The following TATDN2 variants were observed in gnomAD, a reference collection of about 807,000 sequenced individuals.
The protein encoded by TATDN2 is 3'-5' RNA nuclease TATDN2.
A neutral mutation model predicts 60.3 loss-of-function variants in TATDN2; 44 were observed. The ratio of observed to expected loss-of-function variants is 0.73; its 90% confidence interval spans 0.57 to 0.94. The LOEUF is 0.94. Among genes scored for constraint, TATDN2 ranks in the 40% least tolerant of loss-of-function variants. The pLI, the probability that TATDN2 is intolerant of heterozygous loss-of-function variation, is 0.00. For missense variants in TATDN2, 997 were observed against 948.0 expected (o/e 1.05, Z -0.68); for synonymous variants, 399 against 355.8 (o/e 1.12, Z -1.37).
intron 4 of TATDN2, among the ~76,000 whole-genome samples, chr3:10,275,190 T>A (rs1698617453): frequency 6.6e-6 from 1 of 152,040 alleles, no homozygotes; most frequent in Non-Finnish European, 1.5e-5. Flanking sequence ...TTCACCATGT[T>A]GGCCAGGCTT....
intron 3 of TATDN2, among the ~76,000 whole-genome samples, chr3:10,262,125 T>C (rs1255755322): frequency 6.6e-6 from 1 of 152,238 alleles, no homozygotes; most frequent in Non-Finnish European, 1.5e-5. Context: ...TCCTTCTCAA[T>C]ACTGTCAAAA....
At chr3:10,250,011 G>A (rs1382847461) in intron 2 of TATDN2, among the ~76,000 whole-genome samples, 1 of 152,186 alleles carries the variant, frequency 6.6e-6, no homozygotes, top group Non-Finnish European at 1.5e-5. Context: ...ATGTGCTCAA[G>A]AGAAGAATGT....
At chr3:10,273,121 G>C (rs945467152) in intron 4 of TATDN2, among the ~76,000 whole-genome samples, 3 of 152,216 alleles carry the variant, frequency 2.0e-5, no homozygotes, top group Admixed American at 1.3e-4. Context: ...GGCATAGGGG[G>C]ATAAACACAG....
chr3:10,261,311 C>T (rs1698398908), intron 3 of TATDN2, among the ~76,000 whole-genome samples: 1 of 151,728 alleles, frequency 6.6e-6, no homozygotes, highest in South Asian at 2.1e-4. Context: ...TGGACGGAAA[C>T]TAGTGATTTT....
chr3:10,259,809 A>G (rs1698372508), intron 2 of TATDN2, among the ~76,000 whole-genome samples: 1 of 152,140 alleles, frequency 6.6e-6, no homozygotes, highest in South Asian at 2.1e-4. Context: ...TCCAGTGGGA[A>G]GAGCTTGAGC....
At chr3:10,258,309 A>C (rs190607000) in intron 2 of TATDN2, among the ~76,000 whole-genome samples, 80 of 151,838 alleles carry the variant, frequency 5.3e-4, no homozygotes, top group Admixed American at 2.0e-3. Flanking sequence ...ACAGAGTCTC[A>C]TTCTCTCACC....
chr3:10,258,678 C>T (rs752784924), intron 2 of TATDN2, among the ~76,000 whole-genome samples: 44 of 152,084 alleles, frequency 2.9e-4, no homozygotes, highest in Non-Finnish European at 5.6e-4. Flanking sequence ...CCATGTTGGC[C>T]AGGCTGGTCT....
Position 10,278,508 on chromosome 3 carries a change from G to C in TATDN2, c.2145+46G>C, listed in dbSNP as rs1698671231. On this transcript the variant is annotated intron_variant, in intron 6 of 7. Coordinates refer to ENST00000448281, the MANE Select transcript of TATDN2 (RefSeq NM_014760.4). The surrounding 1 kb of genome is among the most constrained non-coding windows in gnomAD (Gnocchi z 4.7). ...AGTGGAGGCACCGGAGGGAGAGGGT[G>C]GGGAGGTGGGTGGTCACCCTTACAA... The C allele has an allele frequency of 2.5e-6, 4 of 1,600,036 alleles. No individual in the cohort carries two copies. In the African/African-American group the frequency reaches 5.4e-5, roughly 21 times the overall value.
In TATDN2 at chr3:10,270,102, C is replaced by T. The variant is rs1698536087; in HGVS notation, c.949-29C>T. 5.7e-6 allele frequency: 9 copies of T among 1,583,080 alleles called. No individual in the cohort carries two copies. In the East Asian group the frequency reaches 1.6e-4, roughly 28 times the overall value. ...GGCCATCTTCACATCGGAAGGCTAA[C>T]CCACTGTTGTATGCCTTCTTTTCTG... On this transcript the variant is annotated intron_variant, in intron 3 of 7. Coordinates refer to ENST00000448281, the MANE Select transcript of TATDN2 (RefSeq NM_014760.4).
chr3:10,249,786 C>G (rs554247119), intron 2 of TATDN2, among the ~76,000 whole-genome samples, 172 bp downstream of exon 2: 1 of 152,274 alleles, frequency 6.6e-6, no homozygotes, highest in South Asian at 2.1e-4. Context: ...GTCTTCCAGG[C>G]GCGTGGCCTG....
intron 2 of TATDN2, among the ~76,000 whole-genome samples, chr3:10,255,175 A>G (rs1399962484): frequency 6.6e-6 from 1 of 151,198 alleles, no homozygotes; most frequent in Non-Finnish European, 1.5e-5. Context: ...ATGCCCAGCT[A>G]ATTTTTCTGT....
At chr3:10,279,107 T>G in intron 7 of TATDN2, 44 bp downstream of exon 7, 1 of 1,521,192 alleles carries the variant, frequency 6.6e-7, no homozygotes, top group Non-Finnish European at 8.9e-7. Context: ...CCAGGACAAG[T>G]CTTTTGTTGC....
At chr3:10,257,597 CAA>C (rs1196293139) in intron 2 of TATDN2, among the ~76,000 whole-genome samples, 3 of 69,190 alleles carry the variant, frequency 4.3e-5, no homozygotes, top group Non-Finnish European at 9.8e-5. Context: ...CCACTGTCTC[CAA>C]AAAAAAAAAA....
Position 10,271,004 on chromosome 3 carries a change from G to C in TATDN2, c.1822G>C (p.Glu608Gln). 6.3e-7 allele frequency: 1 copy of C among 1,577,958 alleles called. No homozygotes were observed. Among genetic ancestry groups the C allele is most frequent in the Non-Finnish European group, 8.6e-7 (1 of 1,165,690 alleles). Residue 608 changes from glutamate to glutamine, a missense_variant, in exon 4 of 8, where the codon GAA (glutamate) becomes CAA (glutamine). Glu to Gln is a conservative substitution (Grantham distance 29). Coordinates refer to ENST00000448281, the MANE Select transcript of TATDN2 (RefSeq NM_014760.4). The part of the protein sequence containing the change: ...YSYKCTTPVP[E>Q]QHKVFERQLQ... ...TTACAAGTGCACCACGCCTGTCCCA[G>C]AACAGCACAAGGTAACAAGGCTCTC...
At chr3:10,272,472 C>G (rs1373785937) in intron 4 of TATDN2, among the ~76,000 whole-genome samples, 2 of 148,812 alleles carry the variant, frequency 1.3e-5, no homozygotes, top group African/African-American at 5.0e-5. Flanking sequence ...GAGTTTCACT[C>G]TTGTTGGCCA....
intron 3 of TATDN2, among the ~76,000 whole-genome samples, chr3:10,264,010 G>T (rs1194235184): frequency 1.3e-5 from 2 of 152,290 alleles, no homozygotes; most frequent in East Asian, 3.9e-4. Context: ...GGCTGCGGGG[G>T]CGGCGTCAGC....
intron 2 of TATDN2, among the ~76,000 whole-genome samples, chr3:10,257,296 A>T (rs987570008): frequency 1.1e-3 from 154 of 145,292 alleles, no homozygotes; most frequent in African/African-American, 3.1e-3. Flanking sequence ...AAAAAAAATT[A>T]TATATATATA....
rs1004895076 is a variant in TATDN2, at chr3:10,278,553, C to A, written c.2145+91C>A. The A allele has an allele frequency of 1.3e-5, 20 of 1,524,366 alleles. No homozygotes were observed. In the African/African-American group the frequency reaches 2.1e-4, roughly 16 times the overall value. 94.4% of individuals were successfully genotyped at this position (1,524,366 alleles called of 1,614,324 possible). A position where few individuals can be genotyped will look rare whatever the true frequency, so the allele number is the denominator to read the frequency against. On this transcript the variant is annotated intron_variant, in intron 6 of 7. Transcript: ENST00000448281. The surrounding 1 kb of genome is among the most constrained non-coding windows in gnomAD (Gnocchi z 4.7). ...TTACAAGGTTGGCAGGGCCAGAGCC[C>A]CAGTGACTTCCAGGTCCCATCCTGG...
chr3:10,276,273 G>A (rs770883965), intron 4 of TATDN2, 88 bp from the exon 5 acceptor site: 1 of 1,502,688 alleles, frequency 6.7e-7, no homozygotes, highest in African/African-American at 1.4e-5. Context: ...AGAGACACAG[G>A]GGGTGCCTGC....
Sources: allele counts gnomAD v4.1 joint callset (sites outside exome capture counted in the v4.1 genomes callset), GRCh38; gene constraint gnomAD v4.1.1; non-coding constraint Gnocchi (gnomAD v3.1); transcripts MANE v1.5; gene names NCBI Gene and HGNC (gene_info 2026-07-23, HGNC 2026-07-21).